Variants in CSMD1 observed in about 807,000 individuals in gnomAD.
CSMD1 encodes the protein CUB and sushi domain-containing protein 1.
In CSMD1, 213 loss-of-function variants were observed where a neutral mutation model predicts 417.5. That is an observed-to-expected ratio of 0.51 (90% CI 0.46 to 0.57). The LOEUF is 0.57. Ranked by LOEUF, CSMD1 falls within the 20% of genes least tolerant of loss-of-function variation. CSMD1 has a pLI of 0.00. For missense variants in CSMD1, 6,923 were observed against 4,529.7 expected, an observed-to-expected ratio of 1.53 and a Z score of -15.17; for synonymous variants, 2,862 against 1,736.8, an observed-to-expected ratio of 1.65 and a Z score of -16.11.
chr8:4,624,308 G>T (rs1329171873), intron 2 of CSMD1, among the ~76,000 whole-genome samples: 1 of 151,980 alleles, frequency 6.6e-6, no homozygotes, highest in African/African-American at 2.4e-5. Flanking sequence ...CTAGTCTATT[G>T]CAGAAGAATT....
At chr8:4,646,281 T>C (rs1431651435) in intron 1 of CSMD1, among the ~76,000 whole-genome samples, 1 of 152,224 alleles carries the variant, frequency 6.6e-6, no homozygotes, top group Non-Finnish European at 1.5e-5. Context: ...GGTATTTATT[T>C]ATCTCTTAAT....
chr8:3,954,832 T>C (rs1033492939), intron 5 of CSMD1, among the ~76,000 whole-genome samples: 6 of 152,170 alleles, frequency 3.9e-5, no homozygotes, highest in African/African-American at 1.2e-4. Context: ...ATGCGCAGTG[T>C]GGCAGGGAGT....
At chr8:4,128,472 C>T (rs931564885) in intron 3 of CSMD1, among the ~76,000 whole-genome samples, 6 of 152,178 alleles carry the variant, frequency 3.9e-5, no homozygotes, top group African/African-American at 1.4e-4. Context: ...ACATGCTCTC[C>T]AAGGTTTAAA....
chr8:4,769,841 T>A (rs1351118411), intron 1 of CSMD1, among the ~76,000 whole-genome samples: 1 of 152,194 alleles, frequency 6.6e-6, no homozygotes, highest in Non-Finnish European at 1.5e-5. Flanking sequence ...GTTGTTATTA[T>A]GTTCTCTTAA....
At chr8:3,823,408 G>A (rs537137134) in intron 5 of CSMD1, among the ~76,000 whole-genome samples, 1 of 152,136 alleles carries the variant, frequency 6.6e-6, no homozygotes, top group Admixed American at 6.6e-5. Context: ...TCAAGGCAAG[G>A]GATGATATTT....
intron 2 of CSMD1, among the ~76,000 whole-genome samples, chr8:4,569,970 A>AT (rs1798806349): frequency 1.3e-5 from 2 of 152,070 alleles, no homozygotes; most frequent in Admixed American, 6.6e-5. Flanking sequence ...AATGCTTGTG[A>AT]TTTTTGCACA....
At chr8:3,110,034 A>G (rs1816399239) in intron 43 of CSMD1, 124 bp downstream of exon 43, 2 of 824,794 alleles carry the variant, frequency 2.4e-6, no homozygotes, top group Admixed American at 3.3e-5. Flanking sequence ...TCGTTGGTGA[A>G]TTTCTTCTCT....
At chr8:4,598,146 TA>T (rs1280015502) in intron 2 of CSMD1, among the ~76,000 whole-genome samples, 1 of 152,116 alleles carries the variant, frequency 6.6e-6, no homozygotes, top group Admixed American at 6.6e-5. Context: ...CCCACTCCAA[TA>T]AAAAGTCAAG....
At chr8:3,841,300 A>T (rs1803117200) in intron 5 of CSMD1, among the ~76,000 whole-genome samples, 2 of 152,236 alleles carry the variant, frequency 1.3e-5, no homozygotes, top group Non-Finnish European at 2.9e-5. Flanking sequence ...AAATTAAAAA[A>T]TGCATAGATT....
intron 2 of CSMD1, among the ~76,000 whole-genome samples, chr8:4,454,743 T>C (rs1264961787): frequency 6.6e-6 from 1 of 152,122 alleles, no homozygotes; most frequent in Non-Finnish European, 1.5e-5. Flanking sequence ...ACTATACTCG[T>C]TTAGAAAGGA....
At chr8:4,956,113 G>A (rs1202131931) in intron 1 of CSMD1, among the ~76,000 whole-genome samples, 2 of 152,098 alleles carry the variant, frequency 1.3e-5, no homozygotes, top group Non-Finnish European at 2.9e-5. Context: ...CCTAAGAACT[G>A]CTAATTACTT....
intron 4 of CSMD1, among the ~76,000 whole-genome samples, chr8:4,013,761 G>C (rs768994622): frequency 1.4e-4 from 21 of 152,170 alleles, no homozygotes; most frequent in Non-Finnish European, 2.5e-4. Context: ...ATTCAGTCCA[G>C]TATCTGGTTT....
intron 46 of CSMD1, among the ~76,000 whole-genome samples, chr8:3,097,470 C>G (rs916286232): frequency 3.9e-5 from 6 of 152,100 alleles, no homozygotes; most frequent in Non-Finnish European, 8.8e-5. Context: ...CCCCCTTACC[C>G]CTGGGGATAC....
chr8:4,941,737 C>G (rs1309184991), intron 1 of CSMD1, among the ~76,000 whole-genome samples: 2 of 152,148 alleles, frequency 1.3e-5, no homozygotes, highest in African/African-American at 4.8e-5. Flanking sequence ...TAGTTGGGAC[C>G]ACAGGCATGT....
At chr8:3,042,915 C>T (rs1220479925) in intron 50 of CSMD1, among the ~76,000 whole-genome samples, 4 of 151,450 alleles carry the variant, frequency 2.6e-5, no homozygotes, top group Non-Finnish European at 5.9e-5. Flanking sequence ...TACAAGGTCA[C>T]TATGGTGATA....
chr8:4,806,767 C>G (rs1348017212), intron 1 of CSMD1, among the ~76,000 whole-genome samples: 1 of 152,098 alleles, frequency 6.6e-6, no homozygotes, highest in African/African-American at 2.4e-5. Context: ...CCCATTTGAT[C>G]ACAAAAATCT....
intron 3 of CSMD1, among the ~76,000 whole-genome samples, chr8:4,227,574 G>C (rs540144525): frequency 2.6e-5 from 4 of 152,010 alleles, no homozygotes; most frequent in Non-Finnish European, 5.9e-5. Flanking sequence ...ATTCAGAAGA[G>C]AAGTCCCACA....
At chr8:3,552,641 T>C (rs1798967683) in intron 10 of CSMD1, among the ~76,000 whole-genome samples, 1 of 152,212 alleles carries the variant, frequency 6.6e-6, no homozygotes, top group African/African-American at 2.4e-5. Flanking sequence ...GCTACAGAGA[T>C]CCTTTCTGTT....
At chr8:3,599,617 C>G (rs1156242911) in intron 8 of CSMD1, among the ~76,000 whole-genome samples, 2 of 152,208 alleles carry the variant, frequency 1.3e-5, no homozygotes, top group African/African-American at 4.8e-5. Flanking sequence ...CCACTTCATG[C>G]TATACATCAG....
Sources: gnomAD v4.1 joint callset for allele counts (sites outside exome capture counted in the v4.1 genomes callset) on GRCh38, gnomAD v4.1.1 for gene constraint, MANE v1.5 for transcripts, NCBI Gene and HGNC (gene_info 2026-07-23, HGNC 2026-07-21) for gene names.